The following GRID2 variants were observed in gnomAD, a reference collection of about 807,000 sequenced individuals.
GRID2 encodes the protein glutamate receptor ionotropic, delta-2.
Under a neutral mutation model 114.8 loss-of-function variants are expected in GRID2, and 33 were observed. The observed-to-expected ratio is 0.29, with a 90% CI of 0.22 to 0.38. The LOEUF (loss-of-function observed/expected upper bound fraction) is 0.38. GRID2 is among the 10% of genes least tolerant of loss of function. The pLI, the probability that GRID2 is intolerant of heterozygous loss-of-function variation, is 1.00. For synonymous variants in GRID2, 505 were observed against 449.9 expected, an observed-to-expected ratio of 1.12 and a Z score of -1.55; for missense variants, 1,184 against 1,257.7, an observed-to-expected ratio of 0.94 and a Z score of 0.89.
At chr4:92,714,174 G>A (rs535007098) in intron 2 of GRID2, among the ~76,000 whole-genome samples, 1 of 152,218 alleles carries the variant, frequency 6.6e-6, no homozygotes, top group African/African-American at 2.4e-5. Context: ...CAAAACAAAG[G>A]GGCTAGAGGC....
chr4:93,791,571 T>G (rs536125734), intron 1 of GRID2, among the ~76,000 whole-genome samples: 14 of 152,340 alleles, frequency 9.2e-5, no homozygotes, highest in African/African-American at 3.4e-4. Context: ...AAAGGTTTTA[T>G]CCACTAAAAA....
At chr4:93,285,853 T>A (rs1753099413) in intron 8 of GRID2, among the ~76,000 whole-genome samples, 1 of 151,970 alleles carries the variant, frequency 6.6e-6, no homozygotes, top group Non-Finnish European at 1.5e-5. Context: ...ATCATACAAT[T>A]TATGTTGCTT....
chr4:93,352,922 T>C (rs1232603065), intron 8 of GRID2, among the ~76,000 whole-genome samples: 1 of 151,890 alleles, frequency 6.6e-6, no homozygotes, highest in Non-Finnish European at 1.5e-5. Context: ...GGAATTTGAG[T>C]ATGCATAAAA....
intron 2 of GRID2, among the ~76,000 whole-genome samples, chr4:92,709,796 G>T (rs1196794660): frequency 6.6e-6 from 1 of 151,646 alleles, no homozygotes; most frequent in Non-Finnish European, 1.5e-5. Context: ...ACGTTACAAA[G>T]GTCAAATATA....
At chr4:92,596,009 A>T (rs1364037376) in intron 2 of GRID2, among the ~76,000 whole-genome samples, 2 of 152,226 alleles carry the variant, frequency 1.3e-5, no homozygotes, top group Non-Finnish European at 2.9e-5. Context: ...TGATTAAAAA[A>T]TCTGCTAATT....
chr4:92,878,811 A>G (rs1197475877), intron 2 of GRID2, among the ~76,000 whole-genome samples: 1 of 152,178 alleles, frequency 6.6e-6, no homozygotes, highest in Non-Finnish European at 1.5e-5. Context: ...TAGAGAAGAT[A>G]GCCTTTATTG....
chr4:92,568,180 A>G (rs1727426710), intron 1 of GRID2, among the ~76,000 whole-genome samples: 1 of 151,958 alleles, frequency 6.6e-6, no homozygotes, highest in South Asian at 2.1e-4. Flanking sequence ...GACTGCTGAG[A>G]TGGGAATATA....
intron 2 of GRID2, among the ~76,000 whole-genome samples, chr4:92,805,186 A>C (rs1300707734): frequency 6.6e-6 from 1 of 151,848 alleles, no homozygotes; most frequent in Non-Finnish European, 1.5e-5. Context: ...GCTTTTTACA[A>C]CGATATCGTT....
At chr4:92,611,410 A>T (rs553109741) in intron 2 of GRID2, among the ~76,000 whole-genome samples, 1 of 151,626 alleles carries the variant, frequency 6.6e-6, no homozygotes, top group South Asian at 2.1e-4. Flanking sequence ...TTCTCTGCAT[A>T]GAAAGACACT....
intron 8 of GRID2, among the ~76,000 whole-genome samples, chr4:93,361,812 T>C (rs1382043235): frequency 6.6e-6 from 1 of 152,144 alleles, no homozygotes; most frequent in Non-Finnish European, 1.5e-5. Flanking sequence ...GGCATGCCTC[T>C]CCTGCTGCTA....
chr4:93,757,607 G>T (rs1376005285), intron 14 of GRID2, among the ~76,000 whole-genome samples: 1 of 152,238 alleles, frequency 6.6e-6, no homozygotes, highest in Non-Finnish European at 1.5e-5. Flanking sequence ...GAACTATCCA[G>T]TACTGGAATT....
chr4:93,797,598 A>C (rs529043166), intron 1 of GRID2, among the ~76,000 whole-genome samples: 1 of 152,092 alleles, frequency 6.6e-6, no homozygotes, highest in Admixed American at 6.6e-5. Context: ...TTAAAATATC[A>C]ATTTGTGTTC....
rs1203153104 is a variant in GRID2 at position 93,671,662 on chromosome 4, T to C, written c.2360+45227T>C. 2.0e-5 allele frequency among the ~76,000 whole-genome samples: 3 copies of C among 152,104 alleles called. 1 individual carries two copies. Among genetic ancestry groups the C allele is most frequent in the South Asian group, 4.1e-4 (2 of 4,822 alleles). ...AATGTAAGTAGAACAACACTATATATATTATCACTTATTAAAATGAACCAG... is the reference window on the plus strand; with the variant it reads ...AATGTAAGTAGAACAACACTATATACATTATCACTTATTAAAATGAACCAG... On this transcript the variant is annotated intron_variant, in intron 14 of 15. Coordinates refer to ENST00000282020, the MANE Select transcript of GRID2 (RefSeq NM_001510.4).
chr4:93,517,751 T>A (rs576608650), intron 13 of GRID2, among the ~76,000 whole-genome samples: 66 of 151,782 alleles, frequency 4.3e-4, no homozygotes, highest in Non-Finnish European at 6.6e-4. Context: ...AAACTAGTCT[T>A]GAACATTTCA....
intron 2 of GRID2, among the ~76,000 whole-genome samples, chr4:92,690,638 A>G (rs1323643739): frequency 6.6e-6 from 1 of 152,244 alleles, no homozygotes; most frequent in African/African-American, 2.4e-5. Context: ...GTGGCATGCA[A>G]TAAAGCAAAG....
intron 2 of GRID2, among the ~76,000 whole-genome samples, chr4:92,774,900 G>T (rs1179012079): frequency 6.6e-6 from 1 of 151,996 alleles, no homozygotes; most frequent in East Asian, 1.9e-4. Context: ...ACTTTAGTTT[G>T]ATTTGATCTA....
chr4:93,582,922 A>C (rs75545200), intron 13 of GRID2, among the ~76,000 whole-genome samples: 2,924 of 152,290 alleles, frequency 0.019, 56 homozygotes, highest in Non-Finnish European at 0.031. Context: ...AATTTCTCTC[A>C]AAGTTCTGGA....
chr4:93,060,760 G>A lies in GRID2; in HGVS notation c.245-24235G>A, dbSNP rs541688641. Among the ~76,000 whole-genome samples, 6 of 152,212 alleles carry A rather than the reference G, an allele frequency of 3.9e-5. No homozygotes were observed. In the East Asian group the frequency reaches 1.2e-3, roughly 29 times the overall value. On this transcript the variant is annotated intron_variant, in intron 2 of 15. Coordinates refer to ENST00000282020, the MANE Select transcript of GRID2 (RefSeq NM_001510.4). ...AATTTTGCAGAAGCCAATTTGGCTA[G>A]TTAATTTAAATGCAAGTTTGAAAGT...
At chr4:92,723,237 T>G (rs1286170321) in intron 2 of GRID2, among the ~76,000 whole-genome samples, 1 of 152,028 alleles carries the variant, frequency 6.6e-6, no homozygotes. Flanking sequence ...ATTGATTAAA[T>G]TGGAATTTAA....
Sources: allele counts gnomAD v4.1 joint callset (sites outside exome capture counted in the v4.1 genomes callset), GRCh38; gene constraint gnomAD v4.1.1; transcripts MANE v1.5; gene names NCBI Gene and HGNC (gene_info 2026-07-23, HGNC 2026-07-21).